The following ATG5 variants were observed in gnomAD, a reference collection of about 807,000 sequenced individuals.
The protein encoded by ATG5 is autophagy related 5.
In ATG5, 14 loss-of-function variants were observed where a neutral mutation model predicts 36.5. The observed-to-expected ratio is 0.38, with a 90% CI of 0.25 to 0.60. The LOEUF is 0.60. Among genes scored for constraint, ATG5 ranks in the 20% least tolerant of loss-of-function variants. The pLI is 0.60. For missense variants in ATG5, 195 were observed against 326.7 expected (o/e 0.60, Z 3.11); for synonymous variants, 95 against 101.5 (o/e 0.94, Z 0.38).
intron 6 of ATG5, among the ~76,000 whole-genome samples, chr6:106,225,465 T>C (rs1293473256): frequency 2.0e-5 from 3 of 152,190 alleles, no homozygotes; most frequent in Non-Finnish European, 4.4e-5. Context: ...TATAAATAAT[T>C]AGAAAGAATA....
chr6:106,206,254 T>TG (rs368172390), intron 6 of ATG5, among the ~76,000 whole-genome samples: 15 of 16,004 alleles, frequency 9.4e-4, no homozygotes, highest in East Asian at 5.1e-3. Flanking sequence ...TCTGCCATGT[T>TG]GGGGGGGTGG....
Position 106,287,570 on chromosome 6 carries a change from C to T in ATG5, c.315+5458G>A, listed in dbSNP as rs910405702. Among the ~76,000 whole-genome samples, 10 of 152,202 alleles carry T rather than the reference C, an allele frequency of 6.6e-5. No homozygotes were observed. The South Asian group carries it at 2.1e-3, about 32-fold the overall frequency. On this transcript the variant is annotated intron_variant, in intron 4 of 7. Coordinates refer to ENST00000369076, the MANE Select transcript of ATG5 (RefSeq NM_004849.4). Reference sequence around the variant, plus strand: ...ATGTCTCCTCTCCTCAAAACCAAAACGCACCAAATCAGCACCATGTTACCA... The same window carrying T: ...ATGTCTCCTCTCCTCAAAACCAAAATGCACCAAATCAGCACCATGTTACCA...
intron 4 of ATG5, among the ~76,000 whole-genome samples, chr6:106,289,971 T>G (rs1197432230): frequency 6.6e-6 from 1 of 151,996 alleles, no homozygotes; most frequent in Non-Finnish European, 1.5e-5. Flanking sequence ...ATAGCCTTTT[T>G]GGCTTTGTGG....
intron 6 of ATG5, among the ~76,000 whole-genome samples, chr6:106,244,859 A>C (rs1415250894): frequency 2.6e-5 from 4 of 152,214 alleles, no homozygotes; most frequent in Admixed American, 2.0e-4. Context: ...AACATTTATC[A>C]ATCTATTGCT....
chr6:106,247,645 T>C (rs940371251), intron 6 of ATG5, among the ~76,000 whole-genome samples: 1 of 152,238 alleles, frequency 6.6e-6, no homozygotes, highest in African/African-American at 2.4e-5. Context: ...TCTATGTGTG[T>C]TTCTGTTTAA....
intron 7 of ATG5, among the ~76,000 whole-genome samples, chr6:106,200,123 G>A (rs1472690989): frequency 6.6e-6 from 1 of 152,036 alleles, no homozygotes; most frequent in Non-Finnish European, 1.5e-5. Context: ...GTATAAGCAA[G>A]CATACTTGAC....
chr6:106,248,350 G>A (rs1778432261), intron 5 of ATG5, 106 bp from the exon 6 acceptor site: 4 of 628,968 alleles, frequency 6.4e-6, no homozygotes, highest in East Asian at 2.9e-5. Context: ...GTTTCTGAAA[G>A]GACATCACAT....
intron 4 of ATG5, among the ~76,000 whole-genome samples, chr6:106,290,260 T>G (rs1009054941): frequency 8.1e-6 from 1 of 123,828 alleles, no homozygotes; most frequent in African/African-American, 2.7e-5. Context: ...TTTTATTTTA[T>G]TTATTTTATT....
At chr6:106,195,616 A>T (rs1174626138) in intron 7 of ATG5, among the ~76,000 whole-genome samples, 1 of 152,146 alleles carries the variant, frequency 6.6e-6, no homozygotes, top group Non-Finnish European at 1.5e-5. Flanking sequence ...TACCATCAAA[A>T]ATACCTGAAA....
intron 5 of ATG5, among the ~76,000 whole-genome samples, chr6:106,272,117 T>C (rs1779475668): frequency 6.6e-6 from 1 of 152,230 alleles, no homozygotes; most frequent in African/African-American, 2.4e-5. Flanking sequence ...GCACTCATCA[T>C]CATAGGACAC....
At chr6:106,308,715 G>A (rs1770540715) in intron 2 of ATG5, among the ~76,000 whole-genome samples, 1 of 152,048 alleles carries the variant, frequency 6.6e-6, no homozygotes, top group South Asian at 2.1e-4. Context: ...CCACATAAAT[G>A]CCCAGAATGA....
At chr6:106,252,949 C>T (rs1015051291) in intron 5 of ATG5, among the ~76,000 whole-genome samples, 2 of 152,198 alleles carry the variant, frequency 1.3e-5, no homozygotes, top group African/African-American at 2.4e-5. Context: ...GAAGGGAACC[C>T]ACTCTTCACA....
intron 6 of ATG5, among the ~76,000 whole-genome samples, chr6:106,217,180 T>C (rs1158022976): frequency 1.3e-5 from 2 of 152,290 alleles, no homozygotes; most frequent in Non-Finnish European, 2.9e-5. Context: ...TTCTACCTTA[T>C]CAATTCAGAA....
At chr6:106,228,456 C>G (rs958961409) in intron 6 of ATG5, among the ~76,000 whole-genome samples, 1 of 152,134 alleles carries the variant, frequency 6.6e-6, no homozygotes, top group Non-Finnish European at 1.5e-5. Flanking sequence ...CTGGGTTCCA[C>G]GGTTCTCTTC....
chr6:106,221,550 G>A (rs1777248095), intron 6 of ATG5, among the ~76,000 whole-genome samples: 1 of 151,964 alleles, frequency 6.6e-6, no homozygotes, highest in Non-Finnish European at 1.5e-5. Flanking sequence ...GCTGCGCCTG[G>A]TGGTGTGCGC....
chr6:106,244,384 A>G (rs770936259), intron 6 of ATG5, among the ~76,000 whole-genome samples: 2 of 152,206 alleles, frequency 1.3e-5, no homozygotes, highest in Non-Finnish European at 2.9e-5. Flanking sequence ...ACTCGTTAAT[A>G]TGGCCTGACT....
chr6:106,218,690 T>A (rs1777132069), intron 6 of ATG5, among the ~76,000 whole-genome samples: 1 of 152,162 alleles, frequency 6.6e-6, no homozygotes, highest in South Asian at 2.1e-4. Context: ...AGAGTATGAA[T>A]GCTGCAATAC....
At chr6:106,194,599 C>T (rs1776104690) in intron 7 of ATG5, among the ~76,000 whole-genome samples, 2 of 151,524 alleles carry the variant, frequency 1.3e-5, no homozygotes, top group Non-Finnish European at 2.9e-5. Context: ...ACTGCAATGG[C>T]GCATTCCAGG....
chr6:106,248,459 G>A (rs985211752), intron 5 of ATG5, among the ~76,000 whole-genome samples: 9 of 151,484 alleles, frequency 5.9e-5, no homozygotes, highest in African/African-American at 1.9e-4. Context: ...CTAGATATTC[G>A]CACAGCCATT....
Sources: gnomAD v4.1 joint callset for allele counts (sites outside exome capture counted in the v4.1 genomes callset) on GRCh38, gnomAD v4.1.1 for gene constraint, MANE v1.5 for transcripts, NCBI Gene and HGNC (gene_info 2026-07-23, HGNC 2026-07-21) for gene names.